ARHGEF7: variants seen among roughly 807,000 people sequenced by gnomAD.
ARHGEF7 encodes the protein PAK-interacting exchange factor beta.
In ARHGEF7, 33 loss-of-function variants were observed where a neutral mutation model predicts 109.8. That is an observed-to-expected ratio of 0.30 (90% CI 0.23 to 0.40). ARHGEF7 has a LOEUF of 0.40. Among genes scored for constraint, ARHGEF7 ranks in the 10% least tolerant of loss-of-function variants. ARHGEF7 has a pLI of 1.00. For synonymous variants in ARHGEF7, 458 were observed against 424.6 expected (o/e 1.08, Z -0.97); for missense variants, 938 against 1,098.5 (o/e 0.85, Z 2.07).
intron 2 of ARHGEF7, among the ~76,000 whole-genome samples, chr13:111,167,657 CAG>C (rs927465463): frequency 3.9e-5 from 6 of 152,198 alleles, no homozygotes; most frequent in Non-Finnish European, 2.9e-5. Flanking sequence ...TCTGAGCAAA[CAG>C]AGTGTTACAG....
At chr13:111,271,025 C>T (rs565980848) in intron 9 of ARHGEF7, among the ~76,000 whole-genome samples, 49 of 152,272 alleles carry the variant, frequency 3.2e-4, no homozygotes, top group African/African-American at 1.1e-3. Context: ...AGCAGGGGTC[C>T]GCCTGGGGTG....
chr13:111,135,627 A>G (rs191072996), intron 1 of ARHGEF7, among the ~76,000 whole-genome samples: 352 of 152,260 alleles, frequency 2.3e-3, no homozygotes, highest in African/African-American at 8.2e-3. Flanking sequence ...AATGCTTGTG[A>G]TTTTTGCACA....
chr13:111,182,987 A>G (rs1166239755), intron 2 of ARHGEF7, among the ~76,000 whole-genome samples: 1 of 152,200 alleles, frequency 6.6e-6, no homozygotes, highest in Admixed American at 6.5e-5. Flanking sequence ...AGCAAACTTA[A>G]GGTAGCTAGG....
intron 6 of ARHGEF7, among the ~76,000 whole-genome samples, chr13:111,238,066 G>T (rs946239783): frequency 8.3e-4 from 126 of 152,314 alleles, no homozygotes; most frequent in Non-Finnish European, 2.4e-4. Flanking sequence ...CTTAAATGCA[G>T]ATCTTTTAAT....
intron 2 of ARHGEF7, 88 bp downstream of exon 2, chr13:111,154,079 G>C: frequency 7.8e-7 from 1 of 1,285,558 alleles, no homozygotes; most frequent in Non-Finnish European, 1.0e-6. Flanking sequence ...CGGACCTCCT[G>C]CCTCCTCCGC....
At chr13:111,150,464 T>G (rs527412603) in intron 1 of ARHGEF7, among the ~76,000 whole-genome samples, 4 of 152,358 alleles carry the variant, frequency 2.6e-5, no homozygotes, top group African/African-American at 9.6e-5. Flanking sequence ...CTTCATGTCA[T>G]TGAAACCTTC....
rs2092264926 is a variant in ARHGEF7, at chr13:111,272,958, A to G, written c.1074-856A>G. Among the ~76,000 whole-genome samples the G allele has an allele frequency of 6.6e-6, 1 of 152,174 alleles. No homozygotes were observed. The highest frequency in any genetic ancestry group is 1.5e-5 in the Non-Finnish European group (1 of 68,032). ...AGCCATGGGAACTCTGAGGACAAAG[A>G]TGACACACATGAGGACCCACTGTAG... is the stretch of plus-strand genomic sequence containing the variant. On this transcript the variant is annotated intron_variant, in intron 9 of 21. Coordinates refer to ENST00000646102, the MANE Select transcript of ARHGEF7 (RefSeq NM_001354046.2). This position sits in a 1 kb window ranked among gnomAD's most constrained non-coding sequence, Gnocchi z 5.2.
At chr13:111,155,163 C>A (rs372678952) in intron 2 of ARHGEF7, among the ~76,000 whole-genome samples, 1 of 152,098 alleles carries the variant, frequency 6.6e-6, no homozygotes, top group African/African-American at 2.4e-5. Context: ...TGGTATCCAC[C>A]GGGATCCTGG....
chr13:111,199,531 C>A (rs2080967489), intron 2 of ARHGEF7, among the ~76,000 whole-genome samples: 1 of 152,158 alleles, frequency 6.6e-6, no homozygotes, highest in African/African-American at 2.4e-5. Flanking sequence ...GGGCCTTAGC[C>A]TGCCAGATGC....
rs145192779 is a variant in ARHGEF7, at chr13:111,262,682, A to G, written c.951-4866A>G. On this transcript the variant is annotated intron_variant, in intron 8 of 21. Transcript: ENST00000646102. ...CATGTTACGGGGGAAACTGCTTAGC[A>G]TTTGATTTCTCAAGTGTTTTTTCTG... Among the ~76,000 whole-genome samples, 89 of 152,280 alleles carry G rather than the reference A, an allele frequency of 5.8e-4. 1 individual carries two copies. The highest frequency in any genetic ancestry group is 2.1e-3 in the African/African-American group (86 of 41,554).
chr13:111,218,810 G>A (rs1053387401), intron 5 of ARHGEF7, among the ~76,000 whole-genome samples: 10 of 151,954 alleles, frequency 6.6e-5, no homozygotes, highest in African/African-American at 2.2e-4. Flanking sequence ...AGGAGCTCAG[G>A]GAATGTTAAT....
chr13:111,195,969 T>A (rs893440249), intron 2 of ARHGEF7, among the ~76,000 whole-genome samples: 1 of 152,160 alleles, frequency 6.6e-6, no homozygotes, highest in South Asian at 2.1e-4. Context: ...TGCCTCCAGA[T>A]TTTGTTCAGG....
At chr13:111,294,487 C>A (rs1361178799) in intron 19 of ARHGEF7, 3 of 985,284 alleles carry the variant, frequency 3.0e-6, no homozygotes, top group Non-Finnish European at 3.6e-6. Flanking sequence ...GACGGTTTAC[C>A]ATCATTCCAT....
chr13:111,193,982 ATAAACTT>A (rs1051099553), intron 2 of ARHGEF7, among the ~76,000 whole-genome samples: 10 of 152,344 alleles, frequency 6.6e-5, no homozygotes, highest in Admixed American at 5.2e-4. Context: ...TCTGATAGCC[ATAAACTT>A]CCTTTGGCAC....
rs568444215 is a variant in ARHGEF7, at chr13:111,122,307, G to T, written c.165+6616G>T. Reference sequence around the variant, plus strand: ...CAGCAGGGCCGGGAGTCAGAGATGGGAAGTGAGGGCCAGCCTGCCCCACCT... The same window carrying T: ...CAGCAGGGCCGGGAGTCAGAGATGGTAAGTGAGGGCCAGCCTGCCCCACCT... On this transcript the variant is annotated intron_variant, in intron 1 of 21. Coordinates refer to ENST00000646102, the MANE Select transcript of ARHGEF7 (RefSeq NM_001354046.2). Among the ~76,000 whole-genome samples the T allele has an allele frequency of 8.5e-5, 13 of 152,344 alleles. No individual in the cohort carries two copies. In the South Asian group the frequency reaches 2.7e-3, roughly 32 times the overall value.
chr13:111,250,116 T>G (rs961851861), intron 8 of ARHGEF7, among the ~76,000 whole-genome samples: 7 of 152,244 alleles, frequency 4.6e-5, no homozygotes, highest in African/African-American at 1.7e-4. Context: ...ATCACAGTTC[T>G]TCCTTTCATC....
chr13:111,200,046 C>T (rs541937278), intron 2 of ARHGEF7, among the ~76,000 whole-genome samples: 10 of 152,278 alleles, frequency 6.6e-5, no homozygotes, highest in South Asian at 6.2e-4. Flanking sequence ...TGCTTTCTGC[C>T]GCCGTGGACT....
intron 5 of ARHGEF7, among the ~76,000 whole-genome samples, chr13:111,218,273 A>G (rs1350099195): frequency 6.6e-6 from 1 of 152,086 alleles, no homozygotes; most frequent in South Asian, 2.1e-4. Flanking sequence ...GTGGTGTGCA[A>G]TGAAGTAATT....
At chr13:111,139,282 T>C (rs2075234524) in intron 1 of ARHGEF7, among the ~76,000 whole-genome samples, 1 of 152,132 alleles carries the variant, frequency 6.6e-6, no homozygotes, top group Non-Finnish European at 1.5e-5. Flanking sequence ...CAGCAGACAG[T>C]GTGGGAACGA....
Sources: gnomAD v4.1 joint callset for allele counts (sites outside exome capture counted in the v4.1 genomes callset) on GRCh38, gnomAD v4.1.1 for gene constraint, Gnocchi (gnomAD v3.1) non-coding constraint, MANE v1.5 for transcripts, NCBI Gene and HGNC (gene_info 2026-07-23, HGNC 2026-07-21) for gene names.